The following KYNU variants were observed in gnomAD, a reference collection of about 807,000 sequenced individuals.
KYNU encodes L-kynurenine hydrolase.
In KYNU, 54 loss-of-function variants were observed where a neutral mutation model predicts 59.2. The observed-to-expected ratio is 0.91, with a 90% CI of 0.73 to 1.14. KYNU has a LOEUF of 1.14. Ranked by LOEUF, KYNU falls within the 50% of genes most tolerant of loss-of-function variation. The pLI is 0.00. For missense variants in KYNU, 567 were observed against 554.4 expected (o/e 1.02, Z -0.23); for synonymous variants, 177 against 192.0 (o/e 0.92, Z 0.65).
intron 7 of KYNU, among the ~76,000 whole-genome samples, chr2:142,959,995 T>C (rs1345618372): frequency 6.6e-6 from 1 of 152,190 alleles, no homozygotes; most frequent in African/African-American, 2.4e-5. Flanking sequence ...GGCACTATTC[T>C]CGTGCTTCCG....
At chr2:142,979,544 T>C (rs146050923) in intron 8 of KYNU, among the ~76,000 whole-genome samples, 4 of 152,098 alleles carry the variant, frequency 2.6e-5, no homozygotes, top group South Asian at 2.1e-4. Flanking sequence ...GCTAGGCAAA[T>C]GGAGGAGAGA....
At chr2:143,006,106 G>A (rs423008) in intron 10 of KYNU, among the ~76,000 whole-genome samples, 18,697 of 152,088 alleles carry the variant, frequency 0.12, 1,322 homozygotes, top group East Asian at 0.25. Flanking sequence ...CATGAGCAAC[G>A]CAGAAGACGG....
At chr2:143,012,309 C>G (rs1192338905) in intron 10 of KYNU, among the ~76,000 whole-genome samples, 2 of 151,670 alleles carry the variant, frequency 1.3e-5, no homozygotes, top group African/African-American at 4.8e-5. Flanking sequence ...TGACATAGCT[C>G]CATCTCTACT....
chr2:143,019,929 T>A (rs7425446), intron 10 of KYNU, among the ~76,000 whole-genome samples: 22,654 of 152,060 alleles, frequency 0.15, 2,210 homozygotes, highest in South Asian at 0.36. Flanking sequence ...TAGCTGTTTA[T>A]ATAGTCTGTA....
At chr2:143,031,949 T>TGAGAGA (rs139000371) in intron 11 of KYNU, among the ~76,000 whole-genome samples, 1 of 148,406 alleles carries the variant, frequency 6.7e-6, no homozygotes, top group East Asian at 2.0e-4. Flanking sequence ...TGATGGGAGG[T>TGAGAGA]GAGAGAGAGA....
intron 7 of KYNU, among the ~76,000 whole-genome samples, chr2:142,958,579 A>C (rs1684242247): frequency 6.6e-6 from 1 of 152,246 alleles, no homozygotes; most frequent in Non-Finnish European, 1.5e-5. Flanking sequence ...CCAACATACA[A>C]TAAATTAATG....
intron 3 of KYNU, among the ~76,000 whole-genome samples, chr2:142,922,347 A>G (rs1054695126): frequency 1.3e-5 from 2 of 152,238 alleles, no homozygotes; most frequent in Admixed American, 6.5e-5. Flanking sequence ...CAAAATATAC[A>G]AAAGAAATTT....
At position 142,960,595 on chromosome 2, in the gene KYNU, T is replaced by C. The variant is rs779414910; in HGVS notation, c.583-29T>C. On this transcript the variant is annotated intron_variant, in intron 7 of 13. Coordinates refer to ENST00000264170, the MANE Select transcript of KYNU (RefSeq NM_003937.3). The stretch of plus-strand genomic sequence containing the variant: ...AATTACAAATTTATTATTATCGATA[T>C]GACCTAACTTGTGCCTAACTTGATT... 3 of 1,596,102 alleles carry C rather than the reference T, an allele frequency of 1.9e-6. No individual in the cohort carries two copies. The African/African-American group carries it at 4.0e-5, about 21-fold the overall frequency.
chr2:142,989,149 A>T, intron 10 of KYNU, among the ~76,000 whole-genome samples: 1 of 151,872 alleles, frequency 6.6e-6, no homozygotes, highest in Admixed American at 6.6e-5. Context: ...TGGGGAGAGG[A>T]AGTTTTCTTG....
chr2:142,950,879 T>C (rs1683968776), intron 4 of KYNU, among the ~76,000 whole-genome samples: 1 of 152,214 alleles, frequency 6.6e-6, no homozygotes, highest in Non-Finnish European at 1.5e-5. Flanking sequence ...ATATGACACT[T>C]CCTTTCACTT....
At chr2:142,972,811 T>TAGAGAGAGAG (rs1269873595) in intron 8 of KYNU, among the ~76,000 whole-genome samples, 46 of 132,324 alleles carry the variant, frequency 3.5e-4, no homozygotes, top group East Asian at 2.7e-3. Flanking sequence ...TATATATATA[T>TAGAGAGAGAG]ATAGAGAGAG....
chr2:142,928,177 T>G (rs557708892), intron 4 of KYNU, among the ~76,000 whole-genome samples: 8 of 152,202 alleles, frequency 5.3e-5, no homozygotes, highest in African/African-American at 1.9e-4. Flanking sequence ...GTGATCTATT[T>G]AAATTTTAGC....
Position 142,885,335 on chromosome 2 carries a change from T to C in KYNU, c.-19-14T>C, listed in dbSNP as rs1681466251. On this transcript the variant is annotated splice_polypyrimidine_tract_variant and intron_variant, in intron 1 of 13. Coordinates refer to ENST00000264170, the MANE Select transcript of KYNU (RefSeq NM_003937.3). ...ATTATGGTGGCTAGATTATGTTTTATTATTCTCTTTCAGTTTTAGAGAACA... is the reference window on the plus strand; with the variant it reads ...ATTATGGTGGCTAGATTATGTTTTACTATTCTCTTTCAGTTTTAGAGAACA... The C allele has an allele frequency of 3.7e-6, 6 of 1,607,386 alleles. No homozygotes were observed. The highest frequency in any genetic ancestry group is 1.3e-5 in the African/African-American group (1 of 74,918).
chr2:142,973,399 C>T (rs1044105749), intron 8 of KYNU, among the ~76,000 whole-genome samples: 1 of 152,126 alleles, frequency 6.6e-6, no homozygotes, highest in Non-Finnish European at 1.5e-5. Context: ...AACCTCAAGC[C>T]TACTCTTTCC....
chr2:142,995,926 A>G (rs1161157229), intron 10 of KYNU, among the ~76,000 whole-genome samples: 2 of 152,030 alleles, frequency 1.3e-5, no homozygotes, highest in Non-Finnish European at 2.9e-5. Flanking sequence ...TATAGGCACT[A>G]GTTCGGTGTT....
chr2:142,881,586 G>C (rs998910678), intron 1 of KYNU, among the ~76,000 whole-genome samples: 2 of 152,134 alleles, frequency 1.3e-5, no homozygotes, highest in Non-Finnish European at 2.9e-5. Flanking sequence ...GTGTGAGTTT[G>C]GGCCCCCAGA....
intron 8 of KYNU, among the ~76,000 whole-genome samples, chr2:142,963,442 G>A (rs1048580159): frequency 6.6e-6 from 1 of 152,162 alleles, no homozygotes; most frequent in Non-Finnish European, 1.5e-5. Context: ...AGCAGACTTG[G>A]TGTCTGCTTA....
intron 2 of KYNU, among the ~76,000 whole-genome samples, chr2:142,909,840 A>G (rs922267413): frequency 6.6e-6 from 1 of 152,196 alleles, no homozygotes; most frequent in African/African-American, 2.4e-5. Context: ...GCTGGGTCAA[A>G]TAGTAGTTCT....
At chr2:143,032,237 C>T (rs1686769320) in intron 11 of KYNU, among the ~76,000 whole-genome samples, 1 of 151,304 alleles carries the variant, frequency 6.6e-6, no homozygotes, top group African/African-American at 2.4e-5. Flanking sequence ...AAGATCGCGC[C>T]ACTGCATTCC....
Sources: gnomAD v4.1 joint callset for allele counts (sites outside exome capture counted in the v4.1 genomes callset) on GRCh38, gnomAD v4.1.1 for gene constraint, MANE v1.5 for transcripts, NCBI Gene and HGNC (gene_info 2026-07-23, HGNC 2026-07-21) for gene names.